The following UNC79 variants were observed in gnomAD, a reference collection of about 807,000 sequenced individuals.
The protein encoded by UNC79 is unc-79 subunit of NALCN channel complex, also known as protein unc-79 homolog.
In UNC79, 37 loss-of-function variants were observed where a neutral mutation model predicts 283.1. The ratio of observed to expected loss-of-function variants is 0.13; its 90% CI spans 0.10 to 0.17. UNC79 has a LOEUF of 0.17. Among genes scored for constraint, UNC79 ranks in the 10% least tolerant of loss-of-function variants. UNC79 has a pLI of 1.00. For missense variants in UNC79, 2,272 were observed against 3,211.1 expected (o/e 0.71, Z 7.07); for synonymous variants, 1,107 against 1,200.2 (o/e 0.92, Z 1.61).
At position 93,387,280 on chromosome 14, in the gene UNC79, T is replaced by C. The variant is rs181426133; in HGVS notation, c.-351+53757T>C. On this transcript the variant is annotated intron_variant, in intron 1 of 49. Coordinates refer to the UNC79 transcript ENST00000256339. ...TTTATTGTTTCTTTCTTCTATTAAT[T>C]TTTGGTTTGGTTTGTTGTTGCCTTT... Among the ~76,000 whole-genome samples, 3 of 152,202 alleles carry C rather than the reference T, an allele frequency of 2.0e-5. No individual in the cohort carries two copies. In the East Asian group the frequency reaches 5.8e-4, roughly 29 times the overall value.
At chr14:93,692,574 C>T (rs1243812473) in intron 46 of UNC79, among the ~76,000 whole-genome samples, 1 of 152,150 alleles carries the variant, frequency 6.6e-6, no homozygotes, top group Non-Finnish European at 1.5e-5. Flanking sequence ...AGACTGACTA[C>T]AGGTGTTCAT....
intron 31 of UNC79, among the ~76,000 whole-genome samples, chr14:93,635,492 T>C (rs1406145798): frequency 1.3e-5 from 2 of 152,246 alleles, no homozygotes; most frequent in Non-Finnish European, 1.5e-5. Flanking sequence ...CTGGCTGCAG[T>C]GATGTGAGAT....
intron 39 of UNC79, among the ~76,000 whole-genome samples, chr14:93,661,862 T>C: frequency 6.6e-6 from 1 of 152,248 alleles, no homozygotes; most frequent in East Asian, 1.9e-4. Flanking sequence ...CACAGTGAGC[T>C]AGAGTGTGAA....
At chr14:93,600,923 G>A (rs1278802340) in intron 25 of UNC79, among the ~76,000 whole-genome samples, 153 bp downstream of exon 25, 1 of 152,142 alleles carries the variant, frequency 6.6e-6, no homozygotes, top group African/African-American at 2.4e-5. Context: ...AATAGCTGCT[G>A]TAGTAATCCA....
At chr14:93,636,653 C>T (rs925387221) in intron 31 of UNC79, among the ~76,000 whole-genome samples, 4 of 152,150 alleles carry the variant, frequency 2.6e-5, no homozygotes, top group African/African-American at 7.2e-5. Context: ...CTCTTCTCCA[C>T]CCATGCATGG....
At chr14:93,458,149 T>C (rs961309260) in intron 1 of UNC79, among the ~76,000 whole-genome samples, 2 of 152,182 alleles carry the variant, frequency 1.3e-5, no homozygotes, top group Non-Finnish European at 2.9e-5. Context: ...AAGGGGGCAA[T>C]GACAGAAAAT....
chr14:93,625,780 G>C (rs1165751642), intron 30 of UNC79, among the ~76,000 whole-genome samples: 2 of 152,022 alleles, frequency 1.3e-5, no homozygotes, highest in African/African-American at 2.4e-5. Flanking sequence ...TTTTAGATTT[G>C]CTTGGCTAAA....
chr14:93,437,199 G>A (rs988599759), intron 1 of UNC79, among the ~76,000 whole-genome samples: 2 of 151,994 alleles, frequency 1.3e-5, no homozygotes, highest in African/African-American at 2.4e-5. Context: ...TAGCATGTCA[G>A]GATTATATGT....
intron 14 of UNC79, among the ~76,000 whole-genome samples, chr14:93,558,197 C>G (rs1464396674): frequency 1.3e-5 from 2 of 152,188 alleles, no homozygotes; most frequent in Admixed American, 6.5e-5. Context: ...ACAACAAATT[C>G]ATATCACAGT....
intron 9 of UNC79, 150 bp from the exon 10 acceptor site, chr14:93,529,136 A>T: frequency 1.5e-6 from 1 of 682,722 alleles, no homozygotes; most frequent in Non-Finnish European, 2.4e-6. Flanking sequence ...GGAATGCATT[A>T]GACATTTTAA....
intron 1 of UNC79, among the ~76,000 whole-genome samples, chr14:93,422,868 G>A (rs1413945187): frequency 6.6e-6 from 1 of 151,732 alleles, no homozygotes; most frequent in Non-Finnish European, 1.5e-5. Context: ...AGACCATCCT[G>A]GCTAACACGG....
intron 4 of UNC79, among the ~76,000 whole-genome samples, chr14:93,478,267 C>G (rs751547717): frequency 6.6e-6 from 1 of 152,094 alleles, no homozygotes; most frequent in Non-Finnish European, 1.5e-5. Flanking sequence ...TATGAAAGCA[C>G]TGAAAAAAGC....
chr14:93,523,275 T>A (rs1389772571), intron 7 of UNC79, among the ~76,000 whole-genome samples: 2 of 152,142 alleles, frequency 1.3e-5, no homozygotes, highest in Non-Finnish European at 2.9e-5. Flanking sequence ...AGGAGTTGGG[T>A]ATTAGCAGAC....
At chr14:93,371,317 G>A (rs557663247) in intron 1 of UNC79, among the ~76,000 whole-genome samples, 27 of 152,088 alleles carry the variant, frequency 1.8e-4, no homozygotes, top group African/African-American at 6.3e-4. Context: ...AACCCAGTAG[G>A]TGGAGGTTGC....
chr14:93,439,448 T>A (rs2056212922), intron 1 of UNC79, among the ~76,000 whole-genome samples: 2 of 152,122 alleles, frequency 1.3e-5, no homozygotes, highest in African/African-American at 4.8e-5. Flanking sequence ...GAGACCATAT[T>A]GCTTCCTCTC....
chr14:93,494,413 T>TTGGAAGAAGAA (rs1379735638), intron 5 of UNC79, among the ~76,000 whole-genome samples: 2 of 152,146 alleles, frequency 1.3e-5, no homozygotes, highest in Non-Finnish European at 2.9e-5. Context: ...ACTGGAGGCA[T>TTGGAAGAAGAA]TGGAAGAAGA....
At chr14:93,627,235 C>T (rs906367652) in intron 30 of UNC79, among the ~76,000 whole-genome samples, 1 of 152,178 alleles carries the variant, frequency 6.6e-6, no homozygotes, top group South Asian at 2.1e-4. Flanking sequence ...TTTGGTTCCT[C>T]TCTATTTCCT....
intron 23 of UNC79, among the ~76,000 whole-genome samples, chr14:93,594,107 C>T (rs755140674): frequency 1.3e-5 from 2 of 152,144 alleles, no homozygotes; most frequent in African/African-American, 2.4e-5. Context: ...TAACTGCACC[C>T]ATGTTTACTC....
At chr14:93,594,278 G>A (rs956579308) in intron 23 of UNC79, among the ~76,000 whole-genome samples, 2 of 150,930 alleles carry the variant, frequency 1.3e-5, no homozygotes, top group African/African-American at 4.9e-5. Context: ...GGTTTTTTGT[G>A]TTTTTTTTTG....
Sources: gnomAD v4.1 joint callset for allele counts (sites outside exome capture counted in the v4.1 genomes callset) on GRCh38, gnomAD v4.1.1 for gene constraint, MANE v1.5 for transcripts, NCBI Gene and HGNC (gene_info 2026-07-23, HGNC 2026-07-21) for gene names.